LDB2: variants seen among roughly 807,000 people sequenced by gnomAD.
LDB2 encodes LIM domain-binding protein 2.
LDB2 carries 12 observed loss-of-function variants against 44.3 expected under a neutral mutation model. That is an observed-to-expected ratio of 0.27 (90% CI 0.17 to 0.44). The LOEUF (loss-of-function observed/expected upper bound fraction) is 0.44, where lower values mean the gene tolerates loss of function less well. Ranked by LOEUF, LDB2 falls within the 20% of genes least tolerant of loss-of-function variation. The probability of loss-of-function intolerance (pLI) is 1.00; values close to 1 mark genes in which losing one functional copy is unlikely to be tolerated. For missense variants in LDB2, 344 were observed against 473.5 expected (o/e 0.73, Z 2.54); for synonymous variants, 164 against 174.8 (o/e 0.94, Z 0.49).
chr4:16,857,444 G>A (rs1789577446), intron 1 of LDB2, among the ~76,000 whole-genome samples: 1 of 152,142 alleles, frequency 6.6e-6, no homozygotes, highest in Admixed American at 6.5e-5. Context: ...TCCAGGGTGA[G>A]CATTACACAA....
intron 1 of LDB2, among the ~76,000 whole-genome samples, chr4:16,782,699 C>T (rs1048761775): frequency 4.6e-5 from 7 of 152,138 alleles, no homozygotes; most frequent in Non-Finnish European, 8.8e-5. Context: ...TCACAAACCC[C>T]AAGCAAGTTA....
chr4:16,689,076 A>G (rs1310212011), intron 2 of LDB2, among the ~76,000 whole-genome samples: 2 of 152,238 alleles, frequency 1.3e-5, no homozygotes, highest in African/African-American at 4.8e-5. Flanking sequence ...ATGCTGCTAC[A>G]TGCCCTGGTG....
At chr4:16,867,364 A>G (rs754231791) in intron 1 of LDB2, among the ~76,000 whole-genome samples, 16 of 152,220 alleles carry the variant, frequency 1.1e-4, no homozygotes, top group African/African-American at 2.7e-4. Context: ...TGGGTAGGTC[A>G]ATTACCCCCA....
intron 2 of LDB2, among the ~76,000 whole-genome samples, chr4:16,703,064 C>G (rs283032): frequency 0.25 from 37,293 of 152,086 alleles, 5,283 homozygotes; most frequent in Non-Finnish European, 0.33. Context: ...TATCCAGCGT[C>G]TTCTGTGTGC....
intron 2 of LDB2, among the ~76,000 whole-genome samples, chr4:16,703,868 A>G (rs930229437): frequency 6.6e-6 from 1 of 152,246 alleles, no homozygotes; most frequent in African/African-American, 2.4e-5. Context: ...TTCCAAATTT[A>G]GTAAGTTTAC....
chr4:16,744,764 C>A (rs1764050716), intron 2 of LDB2, among the ~76,000 whole-genome samples: 1 of 152,244 alleles, frequency 6.6e-6, no homozygotes, highest in Admixed American at 6.5e-5. Context: ...GCCTGAGACA[C>A]CGCGCCCAGC....
intron 1 of LDB2, among the ~76,000 whole-genome samples, chr4:16,796,176 T>C (rs781513306): frequency 6.6e-6 from 1 of 151,896 alleles, no homozygotes; most frequent in South Asian, 2.1e-4. Context: ...TCCTAGCTAC[T>C]GGGGAGGTTA....
intron 1 of LDB2, among the ~76,000 whole-genome samples, chr4:16,763,233 G>A (rs1768355731): frequency 6.6e-6 from 1 of 152,130 alleles, no homozygotes; most frequent in East Asian, 1.9e-4. Flanking sequence ...TTGTTTGGCT[G>A]ATAGAACACA....
At chr4:16,888,814 T>C in intron 1 of LDB2, 5 of 641,128 alleles carry the variant, frequency 7.8e-6, no homozygotes, top group Non-Finnish European at 9.7e-6. Flanking sequence ...AATGTAACTT[T>C]CAGGCTAAGG....
chr4:16,871,904 G>A (rs952914696), intron 1 of LDB2, among the ~76,000 whole-genome samples: 10 of 152,116 alleles, frequency 6.6e-5, no homozygotes, highest in Non-Finnish European at 1.2e-4. Flanking sequence ...TTACAGGTGT[G>A]AGCTACCGCG....
In LDB2 at chr4:16,795,084, A is replaced by T. The variant is rs151132034; in HGVS notation, c.133-35824T>A. 3.7e-3 allele frequency among the ~76,000 whole-genome samples: 560 copies of T among 152,314 alleles called. 6 individuals are homozygous for T. The highest frequency in any genetic ancestry group is 0.013 in the African/African-American group (537 of 41,562). ...AGACATGCTTGAAAATAGGATCTCG[A>T]TGGAGAGCCTGAGTTGAGGACAGGG... On this transcript the variant is annotated intron_variant, in intron 1 of 7. Coordinates refer to ENST00000304523, the MANE Select transcript of LDB2 (RefSeq NM_001290.5).
chr4:16,804,354 A>T (rs1778393006), intron 1 of LDB2, among the ~76,000 whole-genome samples: 1 of 152,184 alleles, frequency 6.6e-6, no homozygotes, highest in Non-Finnish European at 1.5e-5. Context: ...AAACAAACAA[A>T]ATTTGGAAGG....
intron 2 of LDB2, among the ~76,000 whole-genome samples, chr4:16,665,512 A>C (rs2019614): frequency 6.6e-6 from 1 of 152,082 alleles, no homozygotes; most frequent in African/African-American, 2.4e-5. Context: ...TGATCTGCCC[A>C]CCTCGGCCTC....
intron 2 of LDB2, among the ~76,000 whole-genome samples, chr4:16,713,322 C>A (rs917949794): frequency 6.6e-6 from 1 of 151,584 alleles, no homozygotes; most frequent in Non-Finnish European, 1.5e-5. Context: ...CACTTAATGG[C>A]AATTGGTGAA....
chr4:16,734,286 C>A (rs1761388072), intron 2 of LDB2, among the ~76,000 whole-genome samples: 1 of 152,114 alleles, frequency 6.6e-6, no homozygotes, highest in Non-Finnish European at 1.5e-5. Context: ...GGTAATGCAT[C>A]CAACAACTAT....
At chr4:16,750,218 G>A (rs1319528456) in intron 2 of LDB2, among the ~76,000 whole-genome samples, 2 of 152,140 alleles carry the variant, frequency 1.3e-5, no homozygotes, top group African/African-American at 4.8e-5. Context: ...TGTACATTAG[G>A]TCTCTAGTGC....
At chr4:16,829,508 G>A (rs1415166276) in intron 1 of LDB2, among the ~76,000 whole-genome samples, 1 of 152,020 alleles carries the variant, frequency 6.6e-6, no homozygotes. Context: ...TAAAAAGAGG[G>A]CACATTTTTA....
At chr4:16,645,781 C>A (rs375857974) in intron 2 of LDB2, among the ~76,000 whole-genome samples, 4 of 152,300 alleles carry the variant, frequency 2.6e-5, no homozygotes, top group South Asian at 4.1e-4. Flanking sequence ...AAATTTCAGA[C>A]CTGTTGCTTG....
intron 5 of LDB2, among the ~76,000 whole-genome samples, chr4:16,576,003 G>A (rs941842394): frequency 5.9e-5 from 9 of 152,186 alleles, no homozygotes; most frequent in Admixed American, 5.9e-4. Context: ...GCCTCCCAAA[G>A]TGCTGAGATT....
Sources: gnomAD v4.1 joint callset for allele counts (sites outside exome capture counted in the v4.1 genomes callset) on GRCh38, gnomAD v4.1.1 for gene constraint, MANE v1.5 for transcripts, NCBI Gene and HGNC (gene_info 2026-07-23, HGNC 2026-07-21) for gene names.